OGN: variants seen among roughly 807,000 people sequenced by gnomAD.
OGN encodes the protein mimecan.
OGN carries 19 observed loss-of-function variants against 30.8 expected under a neutral mutation model. That is an observed-to-expected ratio of 0.62 (90% confidence interval 0.43 to 0.90). The LOEUF (loss-of-function observed/expected upper bound fraction) is 0.90. OGN is among the 40% of genes least tolerant of loss of function. The pLI is 0.00. For missense variants in OGN, 283 were observed against 349.7 expected, an observed-to-expected ratio of 0.81 and a Z score of 1.52; for synonymous variants, 126 against 128.3, an observed-to-expected ratio of 0.98 and a Z score of 0.12.
chr9:92,389,273 A>T (rs1842569813), intron 5 of OGN, among the ~76,000 whole-genome samples: 1 of 152,186 alleles, frequency 6.6e-6, no homozygotes, highest in Non-Finnish European at 1.5e-5. Flanking sequence ...ACCTAAACCG[A>T]AGTAGATTAC....
chr9:92,389,498 G>A (rs1842578288), intron 5 of OGN: 1 of 159,930 alleles, frequency 6.3e-6, no homozygotes, highest in Non-Finnish European at 1.4e-5. Context: ...TGCTAACATT[G>A]TAAGGAAAAA....
intron 3 of OGN, among the ~76,000 whole-genome samples, chr9:92,393,697 G>C (rs992111992): frequency 6.6e-6 from 1 of 152,098 alleles, no homozygotes; most frequent in African/African-American, 2.4e-5. Context: ...AGCACCCCAA[G>C]TCATTTATTA....
chr9:92,386,718 T>C (rs1247753987), intron 5 of OGN, among the ~76,000 whole-genome samples: 1 of 152,158 alleles, frequency 6.6e-6, no homozygotes, highest in Admixed American at 6.5e-5. Context: ...CACCAATTTC[T>C]AGCTAAGTGG....
At chr9:92,386,601 G>C (rs1842431846) in intron 5 of OGN, among the ~76,000 whole-genome samples, 1 of 152,016 alleles carries the variant, frequency 6.6e-6, no homozygotes, top group Non-Finnish European at 1.5e-5. Context: ...TACTCTTTGT[G>C]TTTGTCTTGA....
intron 5 of OGN, among the ~76,000 whole-genome samples, chr9:92,387,072 A>AAAAG (rs1564290576): frequency 3.4e-5 from 5 of 149,006 alleles, no homozygotes; most frequent in African/African-American, 9.9e-5. Context: ...AAAAAAAAAA[A>AAAAG]AAAGAAATGT....
At position 92,403,142 on chromosome 9, in the gene OGN, C is replaced by A. The variant is rs953998758; in HGVS notation, c.174+92G>T. 9 of 778,832 alleles carry A rather than the reference C, an allele frequency of 1.2e-5. No individual in the cohort carries two copies. The African/African-American group carries it at 1.4e-4, about 12-fold the overall frequency. 48.2% of individuals were successfully genotyped at this position (778,832 alleles called of 1,614,324 possible). ...ATCATTTAAAGTGATTTTCCCTTCC[C>A]CTTACCTTATCAGACACATTCAGGA... On this transcript the variant is annotated intron_variant, in intron 2 of 6. Transcript: ENST00000375561.
chr9:92,385,855 G>A (rs1842398155), intron 6 of OGN, 65 bp from the exon 7 acceptor site: 1 of 1,521,380 alleles, frequency 6.6e-7, no homozygotes, highest in Non-Finnish European at 9.1e-7. Flanking sequence ...GCTATATAAT[G>A]GGTAAAGGAA....
chr9:92,401,002 C>G (rs940491764), intron 3 of OGN, 90 bp downstream of exon 3: 2 of 662,884 alleles, frequency 3.0e-6, no homozygotes, highest in Non-Finnish European at 5.3e-6. Context: ...TTTACTGTAT[C>G]TTGAGTCAGT....
At chr9:92,393,016 G>T in intron 4 of OGN, 70 bp downstream of exon 4, 1 of 1,269,638 alleles carries the variant, frequency 7.9e-7, no homozygotes. Context: ...CAACTATATA[G>T]AAACTTGTGT....
At position 92,383,393 on chromosome 9, in the gene OGN, G is replaced by T. The variant is rs1842311731; in HGVS notation, c.*2227C>A. On this transcript the variant is annotated 3_prime_UTR_variant, in exon 7 of 7. Coordinates refer to ENST00000375561, the MANE Select transcript of OGN (RefSeq NM_014057.5). ...TCTGCATATCATATTGGATAGTATT[G>T]TTGTCTTAACAACATTAAATCTTAC... is the stretch of plus-strand genomic sequence containing the variant. Among the ~76,000 whole-genome samples, 1 of 152,010 alleles carries T rather than the reference G, an allele frequency of 6.6e-6. No individual in the cohort carries two copies. The highest frequency in any genetic ancestry group is 2.4e-5 in the African/African-American group (1 of 41,358).
At chr9:92,404,594 T>C, upstream of OGN, 1 of 1,291,810 alleles carries the variant, frequency 7.7e-7, no homozygotes, top group Non-Finnish European at 1.0e-6. Flanking sequence ...AAGCTATGTC[T>C]TGATTTCAAA....
intron 4 of OGN, among the ~76,000 whole-genome samples, chr9:92,390,658 C>T (rs183942838): frequency 8.5e-5 from 13 of 152,174 alleles, no homozygotes; most frequent in Admixed American, 2.0e-4. Context: ...TTCTTATTCA[C>T]AGGAATCATG....
intron 3 of OGN, among the ~76,000 whole-genome samples, chr9:92,399,273 C>G (rs1843012379): frequency 6.6e-6 from 1 of 151,952 alleles, no homozygotes; most frequent in Non-Finnish European, 1.5e-5. Flanking sequence ...AAAATGGTAT[C>G]TCAATGTAAT....
intron 4 of OGN, among the ~76,000 whole-genome samples, chr9:92,392,583 C>T (rs1163985917): frequency 6.6e-6 from 1 of 151,728 alleles, no homozygotes; most frequent in African/African-American, 2.4e-5. Flanking sequence ...CCACTCTACT[C>T]CAGCCTGGGC....
At chr9:92,401,714 T>C (rs1358395699) in intron 2 of OGN, among the ~76,000 whole-genome samples, 1 of 152,170 alleles carries the variant, frequency 6.6e-6, no homozygotes, top group Non-Finnish European at 1.5e-5. Context: ...TTGGATCCCT[T>C]TTATTCCAGC....
intron 3 of OGN, among the ~76,000 whole-genome samples, chr9:92,395,349 C>G (rs1450064784): frequency 1.3e-5 from 2 of 152,126 alleles, no homozygotes; most frequent in Non-Finnish European, 2.9e-5. Flanking sequence ...GATTTTCAAT[C>G]TTTATCAGTA....
intron 2 of OGN, among the ~76,000 whole-genome samples, chr9:92,401,438 A>G (rs765936796): frequency 6.6e-6 from 1 of 152,214 alleles, no homozygotes; most frequent in Non-Finnish European, 1.5e-5. Flanking sequence ...GCCAGTAGCT[A>G]CACTCAGTGC....
Position 92,389,950 on chromosome 9 carries a change from T to A in OGN, c.534A>T (p.Gln178His). The change falls in exon 5 of 7, where the codon CAA (glutamine) becomes CAT (histidine). Residue 178 changes from glutamine to histidine, a missense_variant. Coordinates refer to ENST00000375561, the MANE Select transcript of OGN (RefSeq NM_014057.5). ...LLEELSLAEN[Q>H]LLKLPVLPPK... ...GAGGAAGAACTGGAAGTTTTAGTAG[T>A]TGATTTTCAGCAAGTGAAAGTTCTT... 2 of 1,611,958 alleles carry A rather than the reference T, an allele frequency of 1.2e-6. No homozygotes were observed. Among genetic ancestry groups the A allele is most frequent in the Non-Finnish European group, 1.7e-6 (2 of 1,178,280 alleles).
rs200546976 is a variant in OGN, at chr9:92,385,628, A to G, written c.889T>C (p.Tyr297His). 3 of 1,613,920 alleles carry G rather than the reference A, an allele frequency of 1.9e-6. No individual in the cohort carries two copies. The highest frequency in any genetic ancestry group is 2.2e-5 in the East Asian group (1 of 44,882). Residue 297 changes from tyrosine (Y) to histidine (H), a missense_variant, in exon 7 of 7, where the codon TAC (tyrosine) becomes CAC (histidine). Transcript: ENST00000375561. ...ICLKRLPIGS[Y>H]F ...TGTTGTACCAATAGAGGTTAAAAGT[A>G]TGACCCTATCGGTAATCTTTTTAAG...
Sources: allele counts gnomAD v4.1 joint callset (sites outside exome capture counted in the v4.1 genomes callset), GRCh38; gene constraint gnomAD v4.1.1; transcripts MANE v1.5; gene names NCBI Gene and HGNC (gene_info 2026-07-23, HGNC 2026-07-21).